Variants in SGCZ observed in about 807,000 individuals in gnomAD.
The protein encoded by SGCZ is zeta-sarcoglycan.
In SGCZ, 40 loss-of-function variants were observed where a neutral mutation model predicts 41.3. That is an observed-to-expected ratio of 0.97 (90% CI 0.75 to 1.26). SGCZ has a LOEUF of 1.26. Ranked by LOEUF, SGCZ falls within the 50% of genes most tolerant of loss-of-function variation. The pLI is 0.00. For missense variants in SGCZ, 552 were observed against 369.8 expected (o/e 1.49, Z -4.04); for synonymous variants, 206 against 137.5 (o/e 1.50, Z -3.49).
chr8:14,706,647 A>G (rs1809340664), intron 1 of SGCZ, among the ~76,000 whole-genome samples: 2 of 152,138 alleles, frequency 1.3e-5, no homozygotes, highest in Admixed American at 1.3e-4. Flanking sequence ...TGGGACTCCT[A>G]TACTAGAAAC....
At chr8:15,078,839 C>CTA (rs1563490092) in intron 1 of SGCZ, among the ~76,000 whole-genome samples, 1 of 151,822 alleles carries the variant, frequency 6.6e-6, no homozygotes, top group African/African-American at 2.4e-5. Context: ...ACATTTATAA[C>CTA]TATAATTTTA....
chr8:14,475,765 T>C (rs1389696316), intron 2 of SGCZ, among the ~76,000 whole-genome samples: 1 of 151,900 alleles, frequency 6.6e-6, no homozygotes, highest in African/African-American at 2.4e-5. Context: ...GATATATATA[T>C]ACACACACAC....
Position 14,826,389 on chromosome 8 carries a change from A to C in SGCZ, c.40-271463T>G, listed in dbSNP as rs567024015. Among the ~76,000 whole-genome samples, 19 of 152,238 alleles carry C rather than the reference A, an allele frequency of 1.2e-4. 1 individual carries two copies. In the South Asian group the frequency reaches 3.5e-3, roughly 28 times the overall value. ...TGCTATTGTGAATAGTGCCGCAATA[A>C]ACATACATGTGCATGTGTCTTTGTA... On this transcript the variant is annotated intron_variant, in intron 1 of 7. Coordinates refer to ENST00000382080, the MANE Select transcript of SGCZ (RefSeq NM_139167.4).
At chr8:14,497,263 G>A (rs1012358260) in intron 2 of SGCZ, among the ~76,000 whole-genome samples, 1 of 152,158 alleles carries the variant, frequency 6.6e-6, no homozygotes, top group Admixed American at 6.5e-5. Flanking sequence ...TCTTGGCAAG[G>A]CCTGAAGCTT....
intron 1 of SGCZ, among the ~76,000 whole-genome samples, chr8:15,202,777 A>G (rs764172358): frequency 3.9e-5 from 6 of 152,186 alleles, no homozygotes; most frequent in Admixed American, 2.6e-4. Flanking sequence ...GAAATTAACA[A>G]GAACTTAGGC....
chr8:14,734,893 G>T (rs924361382), intron 1 of SGCZ, among the ~76,000 whole-genome samples: 1 of 151,994 alleles, frequency 6.6e-6, no homozygotes, highest in African/African-American at 2.4e-5. Context: ...TATTGATAAC[G>T]TTAGTTTTCT....
intron 2 of SGCZ, among the ~76,000 whole-genome samples, chr8:14,495,585 A>G (rs919734507): frequency 2.6e-5 from 4 of 152,154 alleles, no homozygotes; most frequent in African/African-American, 7.2e-5. Flanking sequence ...TATATTATGC[A>G]TTTTACATAT....
intron 1 of SGCZ, among the ~76,000 whole-genome samples, chr8:14,595,412 C>G (rs975408675): frequency 6.0e-5 from 9 of 150,226 alleles, no homozygotes; most frequent in African/African-American, 1.5e-4. Flanking sequence ...CACACACACA[C>G]ACACACACAC....
chr8:15,195,386 A>C (rs1347638668), intron 1 of SGCZ, among the ~76,000 whole-genome samples: 1 of 152,128 alleles, frequency 6.6e-6, no homozygotes, highest in African/African-American at 2.4e-5. Context: ...CCCACTGCCA[A>C]ATGCTTGCTG....
intron 1 of SGCZ, among the ~76,000 whole-genome samples, chr8:14,762,940 T>C (rs188176779): frequency 4.5e-4 from 69 of 152,332 alleles, no homozygotes; most frequent in African/African-American, 1.5e-3. Flanking sequence ...TGTATGAACT[T>C]AGAAAATTTG....
At chr8:14,998,749 G>C (rs912540832) in intron 1 of SGCZ, among the ~76,000 whole-genome samples, 12 of 152,178 alleles carry the variant, frequency 7.9e-5, no homozygotes, top group African/African-American at 2.7e-4. Flanking sequence ...CAGGGATCTA[G>C]ATGTAGCAAT....
At chr8:14,841,615 G>C (rs1022241237) in intron 1 of SGCZ, among the ~76,000 whole-genome samples, 8 of 152,056 alleles carry the variant, frequency 5.3e-5, no homozygotes, top group African/African-American at 1.9e-4. Context: ...TTAAACTAAG[G>C]AATACTTGGA....
intron 1 of SGCZ, among the ~76,000 whole-genome samples, chr8:14,747,597 A>G (rs1326035511): frequency 2.0e-5 from 3 of 151,860 alleles, no homozygotes; most frequent in Non-Finnish European, 4.4e-5. Flanking sequence ...TTTTTTTCAG[A>G]TGAAAACCAT....
intron 1 of SGCZ, among the ~76,000 whole-genome samples, chr8:14,953,075 G>C (rs73517397): frequency 6.6e-6 from 1 of 151,994 alleles, no homozygotes; most frequent in African/African-American, 2.4e-5. Flanking sequence ...TCAGACGTTT[G>C]TGTGTGTTTT....
At chr8:15,032,598 C>T (rs918666203) in intron 1 of SGCZ, among the ~76,000 whole-genome samples, 1 of 152,130 alleles carries the variant, frequency 6.6e-6, no homozygotes, top group African/African-American at 2.4e-5. Flanking sequence ...CTCTGGGACA[C>T]CCCAGCACTG....
chr8:14,950,951 T>C (rs1439425117), intron 1 of SGCZ, among the ~76,000 whole-genome samples: 1 of 151,982 alleles, frequency 6.6e-6, no homozygotes, highest in Non-Finnish European at 1.5e-5. Context: ...TTCAAAGTTT[T>C]GAATGTAGAT....
intron 1 of SGCZ, among the ~76,000 whole-genome samples, chr8:14,945,458 T>A (rs146238662): frequency 6.6e-6 from 1 of 152,234 alleles, no homozygotes; most frequent in East Asian, 1.9e-4. Context: ...AGCACTATCA[T>A]GAAGAGTTGG....
chr8:15,114,171 T>C (rs73525072), intron 1 of SGCZ, among the ~76,000 whole-genome samples: 5,236 of 152,308 alleles, frequency 0.034, 285 homozygotes, highest in African/African-American at 0.12. Flanking sequence ...TTTCTCTCTC[T>C]AGGTAATCAA....
chr8:14,584,483 A>G (rs966566844), intron 1 of SGCZ, among the ~76,000 whole-genome samples: 6 of 152,180 alleles, frequency 3.9e-5, no homozygotes, highest in Non-Finnish European at 7.4e-5. Flanking sequence ...TAGTGACTAC[A>G]TATATGCCAT....
Sources: allele counts gnomAD v4.1 joint callset (sites outside exome capture counted in the v4.1 genomes callset), GRCh38; gene constraint gnomAD v4.1.1; transcripts MANE v1.5; gene names NCBI Gene and HGNC (gene_info 2026-07-23, HGNC 2026-07-21).